The following GPA33 variants were observed in gnomAD, a reference collection of about 807,000 sequenced individuals.
GPA33 encodes glycoprotein A33.
A neutral mutation model predicts 35.6 loss-of-function variants in GPA33; 27 were observed. The observed-to-expected ratio is 0.76, with a 90% confidence interval of 0.56 to 1.04. The LOEUF (loss-of-function observed/expected upper bound fraction) is 1.04. Ranked by LOEUF, GPA33 falls within the 50% of genes least tolerant of loss-of-function variation. The pLI is 0.00. For synonymous variants in GPA33, 176 were observed against 164.0 expected (o/e 1.07, Z -0.56); for missense variants, 428 against 411.9 (o/e 1.04, Z -0.34).
chr1:167,067,827 T>C (rs904114079), intron 3 of GPA33, among the ~76,000 whole-genome samples: 2 of 152,174 alleles, frequency 1.3e-5, no homozygotes, highest in African/African-American at 4.8e-5. Context: ...TATAACATGA[T>C]TCCATTTTTT....
chr1:167,079,511 G>T (rs199792157), intron 1 of GPA33, among the ~76,000 whole-genome samples: 1 of 148,288 alleles, frequency 6.7e-6, no homozygotes, highest in Admixed American at 6.7e-5. Flanking sequence ...AGAAAAAAAA[G>T]AAAACTTGCA....
chr1:167,068,856 C>T lies in GPA33; in HGVS notation c.415+66G>A, dbSNP rs144022379. On this transcript the variant is annotated intron_variant, in intron 3 of 6. Coordinates refer to ENST00000367868, the MANE Select transcript of GPA33 (RefSeq NM_005814.3). ...CTGGCTTCGTCTCAACACCTGGGCT[C>T]TTCTCCCTGTGCTGCCACCTGCCCA... 15 of 1,265,470 alleles carry T rather than the reference C, an allele frequency of 1.2e-5. No individual in the cohort carries two copies. The African/African-American group carries it at 1.6e-4, about 14-fold the overall frequency. The allele number at this position is 1,265,470 out of a possible 1,614,324, so 78.4% of individuals were successfully genotyped here.
chr1:167,056,758 C>CGT (rs1666295993), intron 4 of GPA33, among the ~76,000 whole-genome samples: 8 of 3,958 alleles, frequency 2.0e-3, no homozygotes, highest in African/African-American at 9.4e-3. Flanking sequence ...GTGTGTATGG[C>CGT]GTGTGTGTGG....
intron 1 of GPA33, among the ~76,000 whole-genome samples, chr1:167,085,841 C>A (rs926127648): frequency 6.6e-6 from 1 of 152,192 alleles, no homozygotes; most frequent in Non-Finnish European, 1.5e-5. Context: ...AGTTCCAATT[C>A]GTCTCTACAC....
chr1:167,058,180 C>T (rs1162213704), intron 4 of GPA33: 1 of 152,104 alleles, frequency 6.6e-6, no homozygotes, highest in East Asian at 1.9e-4. Flanking sequence ...GCCTGAGTAA[C>T]AAAGCGAGAT....
chr1:167,082,368 TAG>T (rs1230789661), intron 1 of GPA33: 2 of 452,780 alleles, frequency 4.4e-6, no homozygotes, highest in Non-Finnish European at 4.4e-6. Context: ...GGTGAAAAAG[TAG>T]AGACAGTGAG....
At chr1:167,078,771 G>T (rs1270247422) in intron 1 of GPA33, 1 of 152,152 alleles carries the variant, frequency 6.6e-6, no homozygotes, top group Admixed American at 6.5e-5. Flanking sequence ...TGGAACTCTG[G>T]TTCCTTTCTT....
At chr1:167,054,865 G>A (rs1217404618) in intron 6 of GPA33, 111 bp downstream of exon 6, 1 of 1,215,794 alleles carries the variant, frequency 8.2e-7, no homozygotes, top group Non-Finnish European at 1.2e-6. Context: ...GCACAAAATG[G>A]GGGTGATATA....
At chr1:167,068,554 C>T (rs1221141788) in intron 3 of GPA33, among the ~76,000 whole-genome samples, 2 of 152,096 alleles carry the variant, frequency 1.3e-5, no homozygotes, top group Non-Finnish European at 2.9e-5. Flanking sequence ...CATGATGTGG[C>T]CCCCTGAGCA....
intron 2 of GPA33, 79 bp downstream of exon 2, chr1:167,073,306 T>G (rs1468814504): frequency 1.2e-5 from 14 of 1,216,298 alleles, no homozygotes; most frequent in Non-Finnish European, 1.7e-5. Context: ...TGGAAAGACT[T>G]CATAGTGCTT....
In GPA33 at chr1:167,063,572, G is replaced by GC. The variant is rs760028529; in HGVS notation, c.571+9dup. The GC allele has an allele frequency of 5.0e-6, 8 of 1,595,298 alleles. No homozygotes were observed. Among genetic ancestry groups the GC allele is most frequent in the Non-Finnish European group, 6.8e-6 (8 of 1,168,620 alleles). The stretch of plus-strand genomic sequence containing the variant: ...ACGTGGGGAGCCCGCCTTCCCTACT[G>GC]CCCCCTTACCTGGCTGGGCCAGGGG... On this transcript the variant is annotated intron_variant, in intron 4 of 6. Coordinates refer to ENST00000367868, the MANE Select transcript of GPA33 (RefSeq NM_005814.3).
intron 1 of GPA33, among the ~76,000 whole-genome samples, chr1:167,077,621 C>T (rs73028896): frequency 0.068 from 10,373 of 152,254 alleles, 796 homozygotes; most frequent in African/African-American, 0.19. Flanking sequence ...TAACAATTCT[C>T]ACTCTCAAAT....
At position 167,090,263 on chromosome 1, in the gene GPA33, ACACAGGC is replaced by A; in HGVS notation, c.18_24del (p.Trp6CysfsTer10). The A allele has an allele frequency of 1.2e-6, 2 of 1,613,628 alleles. No homozygotes were observed. The highest frequency in any genetic ancestry group is 4.5e-5 in the East Asian group (2 of 44,878). Reference sequence around the variant, plus strand: ...TACTCACCTGCACAGAGTGTCCACAACACAGGCCACATCTTCCCCACCATGGTCTTGC... The same window carrying A: ...TACTCACCTGCACAGAGTGTCCACAACACATCTTCCCCACCATGGTCTTGC... On this transcript the variant is annotated frameshift_variant, in exon 1 of 7. Coordinates refer to ENST00000367868, the MANE Select transcript of GPA33 (RefSeq NM_005814.3). LOFTEE classifies it high-confidence loss of function.
chr1:167,056,784 TA>T (rs1342618543), intron 4 of GPA33, among the ~76,000 whole-genome samples: 102 of 1,026 alleles, frequency 0.099, no homozygotes, highest in African/African-American at 0.12. Context: ...GTGGCATGTG[TA>T]GTGTGGTGCG....
At chr1:167,068,219 A>ATTTC (rs1394575092) in intron 3 of GPA33, among the ~76,000 whole-genome samples, 3 of 152,232 alleles carry the variant, frequency 2.0e-5, no homozygotes, top group African/African-American at 7.2e-5. Context: ...CAGTGGTGCC[A>ATTTC]TTTCTTATAT....
At chr1:167,083,823 G>A (rs1243747727) in intron 1 of GPA33, among the ~76,000 whole-genome samples, 3 of 152,168 alleles carry the variant, frequency 2.0e-5, no homozygotes, top group Non-Finnish European at 4.4e-5. Context: ...AAACCAGTGT[G>A]TAGCTATGGC....
At chr1:167,087,442 G>A (rs1667075607) in intron 1 of GPA33, among the ~76,000 whole-genome samples, 2 of 152,194 alleles carry the variant, frequency 1.3e-5, no homozygotes, top group Admixed American at 1.3e-4. Context: ...AGAAGACTGT[G>A]CAAGAAGACT....
At chr1:167,061,618 C>T (rs1370817884) in intron 4 of GPA33, among the ~76,000 whole-genome samples, 4 of 93,302 alleles carry the variant, frequency 4.3e-5, no homozygotes, top group South Asian at 3.7e-4. Context: ...TTTTTTGAGA[C>T]GGAGTCTCGC....
chr1:167,088,807 GA>G (rs1357075860), intron 1 of GPA33, among the ~76,000 whole-genome samples: 6 of 152,194 alleles, frequency 3.9e-5, no homozygotes, highest in Non-Finnish European at 7.3e-5. Flanking sequence ...TGCAGGCATG[GA>G]GGAGCTTCTG....
Sources: gnomAD v4.1 joint callset for allele counts (sites outside exome capture counted in the v4.1 genomes callset) on GRCh38, gnomAD v4.1.1 for gene constraint, MANE v1.5 for transcripts, NCBI Gene and HGNC (gene_info 2026-07-23, HGNC 2026-07-21) for gene names.